Variants in CORIN observed in about 807,000 individuals in gnomAD.
The protein encoded by CORIN is atrial natriuretic peptide-converting enzyme.
Under a neutral mutation model 125.3 loss-of-function variants are expected in CORIN, and 117 were observed. That is an observed-to-expected ratio of 0.93 (90% CI 0.80 to 1.09). The LOEUF is 1.09. Ranked by LOEUF, CORIN falls within the 50% of genes least tolerant of loss-of-function variation. The probability of loss-of-function intolerance (pLI) is 0.00; values close to 1 mark genes in which losing one functional copy is unlikely to be tolerated. For synonymous variants in CORIN, 450 were observed against 466.4 expected (o/e 0.96, Z 0.45); for missense variants, 1,253 against 1,306.7 (o/e 0.96, Z 0.63).
At chr4:47,808,223 G>T (rs762813122) in intron 1 of CORIN, among the ~76,000 whole-genome samples, 7 of 151,978 alleles carry the variant, frequency 4.6e-5, no homozygotes, top group African/African-American at 1.7e-4. Flanking sequence ...CCCCTATGCC[G>T]TACATCACCA....
At chr4:47,608,201 A>C (rs1375508753) in intron 19 of CORIN, among the ~76,000 whole-genome samples, 1 of 148,802 alleles carries the variant, frequency 6.7e-6, no homozygotes, top group Non-Finnish European at 1.5e-5. Context: ...GGCACCTGTA[A>C]CCCCAGCTAC....
intron 5 of CORIN, among the ~76,000 whole-genome samples, chr4:47,714,234 A>G (rs1726987632): frequency 1.3e-5 from 2 of 152,334 alleles, no homozygotes; most frequent in African/African-American, 2.4e-5. Context: ...AAACTTTAGT[A>G]TTATTTTTAT....
At chr4:47,793,444 A>G (rs1198515565) in intron 2 of CORIN, among the ~76,000 whole-genome samples, 3 of 152,208 alleles carry the variant, frequency 2.0e-5, no homozygotes, top group Non-Finnish European at 4.4e-5. Flanking sequence ...AGGTTAGCTT[A>G]AGGAAAATGA....
chr4:47,677,101 G>A (rs1040225753), intron 9 of CORIN, among the ~76,000 whole-genome samples: 2 of 152,154 alleles, frequency 1.3e-5, no homozygotes, highest in Non-Finnish European at 2.9e-5. Context: ...CCCAAGATAT[G>A]CTTTAATGTA....
intron 17 of CORIN, among the ~76,000 whole-genome samples, chr4:47,625,159 T>C (rs897906827): frequency 1.3e-5 from 2 of 152,258 alleles, no homozygotes; most frequent in African/African-American, 4.8e-5. Flanking sequence ...CCCCATATAG[T>C]GTATGTTCCC....
intron 11 of CORIN, among the ~76,000 whole-genome samples, chr4:47,662,558 T>C (rs1180041280): frequency 6.6e-6 from 1 of 152,206 alleles, no homozygotes; most frequent in Non-Finnish European, 1.5e-5. Context: ...TTTACTTCTT[T>C]TTTTACTTCT....
At chr4:47,794,957 A>G (rs1731229082) in intron 2 of CORIN, among the ~76,000 whole-genome samples, 1 of 151,850 alleles carries the variant, frequency 6.6e-6, no homozygotes, top group Admixed American at 6.6e-5. Context: ...TTTTGACTTG[A>G]TTTTGGTATG....
chr4:47,626,444 C>A lies in CORIN; in HGVS notation c.2276G>T (p.Ser759Ile), dbSNP rs770538862. The A allele has an allele frequency of 1.9e-6, 3 of 1,613,814 alleles. No individual in the cohort carries two copies. The African/African-American group carries it at 4.0e-5, about 22-fold the overall frequency. Residue 759 changes from serine to isoleucine, a missense_variant, in exon 17 of 22, where the codon AGC (serine) becomes ATC (isoleucine). Transcript: ENST00000273857. Reference protein sequence around the residue: ...RWLTLHSNWESLNGTTLHELL... With the variant: ...RWLTLHSNWEILNGTTLHELL... ...TTCATGTAAAGTGGTCCCATTGAGG[C>A]TCTCCCAGTTGGAGTGTAATGTCAG... is the stretch of plus-strand genomic sequence containing the variant.
At chr4:47,739,067 C>G (rs1326870700) in intron 5 of CORIN, among the ~76,000 whole-genome samples, 1 of 151,788 alleles carries the variant, frequency 6.6e-6, no homozygotes, top group East Asian at 1.9e-4. Flanking sequence ...TCCTTAATGA[C>G]TTGGAGGATG....
In CORIN at chr4:47,731,880, A is replaced by G. The variant is rs1408605204; in HGVS notation, c.799+12522T>C. ...CAAGACTCCATCTCAAAAAAAAAAA[A>G]GAAAAAAAATTAGCAAATGTTGTTG... On this transcript the variant is annotated intron_variant, in intron 5 of 21. Transcript: ENST00000273857. Among the ~76,000 whole-genome samples the G allele has an allele frequency of 4.6e-5, 7 of 151,332 alleles. 1 individual carries two copies. Among genetic ancestry groups the G allele is most frequent in the Admixed American group, 2.6e-4 (4 of 15,214 alleles).
At chr4:47,690,645 C>T (rs1725726066) in intron 6 of CORIN, among the ~76,000 whole-genome samples, 1 of 152,184 alleles carries the variant, frequency 6.6e-6, no homozygotes, top group Non-Finnish European at 1.5e-5. Flanking sequence ...CTTGCGAGAA[C>T]CTTAGGAACT....
At chr4:47,611,809 G>A (rs559598162) in intron 19 of CORIN, among the ~76,000 whole-genome samples, 1 of 152,300 alleles carries the variant, frequency 6.6e-6, no homozygotes, top group African/African-American at 2.4e-5. Flanking sequence ...ATGAAGGGAT[G>A]TTGAATTTTA....
At chr4:47,641,887 A>G (rs1278906692) in intron 16 of CORIN, 33 bp downstream of exon 16, 2 of 1,602,522 alleles carry the variant, frequency 1.2e-6, no homozygotes, top group Non-Finnish European at 1.7e-6. Flanking sequence ...GCCTTCTGAG[A>G]AATTCATCAG....
chr4:47,812,459 C>T (rs1292151698), intron 1 of CORIN, among the ~76,000 whole-genome samples: 5 of 152,040 alleles, frequency 3.3e-5, no homozygotes, highest in African/African-American at 7.2e-5. Context: ...GAGCCAAGAT[C>T]GTACCACTGC....
chr4:47,625,162 A>G (rs1027637603), intron 17 of CORIN, among the ~76,000 whole-genome samples: 9 of 152,100 alleles, frequency 5.9e-5, no homozygotes, highest in East Asian at 1.9e-4. Flanking sequence ...CATATAGTGT[A>G]TGTTCCCTGA....
At chr4:47,622,349 C>T (rs1158906786) in intron 19 of CORIN, among the ~76,000 whole-genome samples, 2 of 148,864 alleles carry the variant, frequency 1.3e-5, no homozygotes, top group African/African-American at 5.0e-5. Flanking sequence ...ATTTATAGTC[C>T]TTTGGGTATA....
intron 16 of CORIN, among the ~76,000 whole-genome samples, chr4:47,630,558 C>T (rs1404924835): frequency 6.6e-6 from 1 of 152,158 alleles, no homozygotes; most frequent in Non-Finnish European, 1.5e-5. Context: ...TGGATTCATA[C>T]ACGGAGAAGG....
At chr4:47,805,135 C>CAA (rs755747242) in intron 2 of CORIN, among the ~76,000 whole-genome samples, 13,641 of 128,868 alleles carry the variant, frequency 0.11, 849 homozygotes, top group East Asian at 0.18. Context: ...GACTCCATCT[C>CAA]AAAAAAAAAA....
intron 5 of CORIN, among the ~76,000 whole-genome samples, chr4:47,729,183 T>G (rs574881359): frequency 5.3e-5 from 8 of 152,338 alleles, no homozygotes; most frequent in African/African-American, 1.9e-4. Flanking sequence ...TTTCTCGTGG[T>G]CACAGATCAA....
Sources: gnomAD v4.1 joint callset for allele counts (sites outside exome capture counted in the v4.1 genomes callset) on GRCh38, gnomAD v4.1.1 for gene constraint, MANE v1.5 for transcripts, NCBI Gene and HGNC (gene_info 2026-07-23, HGNC 2026-07-21) for gene names.